SPAG17: variants seen among roughly 807,000 people sequenced by gnomAD.
SPAG17 encodes sperm-associated antigen 17.
In SPAG17, 169 loss-of-function variants were observed where a neutral mutation model predicts 273.6. The observed-to-expected ratio is 0.62, with a 90% CI of 0.55 to 0.70. The LOEUF is 0.70. Among genes scored for constraint, SPAG17 ranks in the 30% least tolerant of loss-of-function variants. SPAG17 has a pLI of 0.00. For missense variants in SPAG17, 2,557 were observed against 2,627.8 expected (o/e 0.97, Z 0.59); for synonymous variants, 825 against 873.2 (o/e 0.94, Z 0.97).
intron 38 of SPAG17, 31 bp downstream of exon 38, chr1:117,990,830 A>G (rs755564355): frequency 1.4e-6 from 2 of 1,456,134 alleles, no homozygotes; most frequent in Admixed American, 3.8e-5. Flanking sequence ...ACTTGTAAAT[A>G]TACTGCAGAA....
intron 7 of SPAG17, among the ~76,000 whole-genome samples, chr1:118,093,712 T>A (rs1358198985): frequency 6.6e-6 from 1 of 152,204 alleles, no homozygotes; most frequent in Admixed American, 6.5e-5. Flanking sequence ...ATTTCTTACC[T>A]GGCTATGCAA....
rs368322210 is a variant in SPAG17 at position 118,073,869 on chromosome 1, C to A, written c.2370G>T (p.Pro790=). The A allele has an allele frequency of 6.3e-6, 10 of 1,583,714 alleles. No homozygotes were observed. The highest frequency in any genetic ancestry group is 8.6e-6 in the Non-Finnish European group (10 of 1,168,914). The change falls in exon 17 of 49, where the codon CCG becomes CCT. Residue 790 remains proline (P), a synonymous_variant. Coordinates refer to ENST00000336338, the MANE Select transcript of SPAG17 (RefSeq NM_206996.4). The part of the protein sequence containing the change: ...MDWSFTEHFK[P]KVLLQVLQEA... ...CCATAAATACCTGAAGCAGTACTTTCGGTTTAAAATGTTCAGTAAAACTCC... is the reference window on the plus strand; with the variant it reads ...CCATAAATACCTGAAGCAGTACTTTAGGTTTAAAATGTTCAGTAAAACTCC...
At chr1:118,148,073 G>A (rs564436281) in intron 3 of SPAG17, among the ~76,000 whole-genome samples, 2 of 152,258 alleles carry the variant, frequency 1.3e-5, no homozygotes, top group South Asian at 4.1e-4. Flanking sequence ...CCAAAATGGA[G>A]GTTTCTAAAA....
chr1:118,154,692 T>C (rs558902874), intron 1 of SPAG17, among the ~76,000 whole-genome samples: 36 of 151,966 alleles, frequency 2.4e-4, no homozygotes, highest in African/African-American at 8.7e-4. Flanking sequence ...TATCCCAACA[T>C]GCAGCTAAAT....
At chr1:118,001,518 G>A (rs1658283056) in intron 32 of SPAG17, among the ~76,000 whole-genome samples, 1 of 152,168 alleles carries the variant, frequency 6.6e-6, no homozygotes, top group Non-Finnish European at 1.5e-5. Context: ...GGTCTATTCA[G>A]AGATTCAACT....
intron 3 of SPAG17, among the ~76,000 whole-genome samples, chr1:118,116,854 C>G (rs1052789699): frequency 3.3e-5 from 5 of 152,208 alleles, no homozygotes; most frequent in Middle Eastern, 3.2e-3. Context: ...CAGTGCTTTG[C>G]TTTTTATGGC....
intron 3 of SPAG17, among the ~76,000 whole-genome samples, chr1:118,148,563 T>C (rs1235369172): frequency 2.6e-5 from 4 of 152,192 alleles, no homozygotes; most frequent in East Asian, 1.9e-4. Flanking sequence ...AGAATGCTGA[T>C]TGATGCATTT....
At chr1:117,971,601 G>A (rs1031477275) in intron 45 of SPAG17, among the ~76,000 whole-genome samples, 5 of 151,972 alleles carry the variant, frequency 3.3e-5, no homozygotes, top group Non-Finnish European at 7.3e-5. Flanking sequence ...ATCAGGATGT[G>A]AGTTGCTTTT....
intron 1 of SPAG17, among the ~76,000 whole-genome samples, chr1:118,162,659 G>T (rs980947570): frequency 2.0e-5 from 3 of 151,996 alleles, no homozygotes; most frequent in Non-Finnish European, 4.4e-5. Context: ...TTACTACGTG[G>T]GTACCTACGT....
chr1:118,079,244 A>C (rs1299769117), intron 15 of SPAG17, among the ~76,000 whole-genome samples: 3 of 152,036 alleles, frequency 2.0e-5, no homozygotes, highest in African/African-American at 7.2e-5. Context: ...GATATAATTA[A>C]TTGGATATAA....
chr1:118,035,185 AC>A (rs1304762005), intron 24 of SPAG17, among the ~76,000 whole-genome samples: 6 of 152,222 alleles, frequency 3.9e-5, no homozygotes, highest in Non-Finnish European at 8.8e-5. Context: ...TTTTAAAAAA[AC>A]ATATAGGATG....
chr1:117,972,462 A>G (rs1654669679), intron 44 of SPAG17, among the ~76,000 whole-genome samples: 2 of 152,216 alleles, frequency 1.3e-5, no homozygotes, highest in Non-Finnish European at 2.9e-5. Flanking sequence ...GGGCCCAAGA[A>G]TTTGCATTTA....
intron 3 of SPAG17, among the ~76,000 whole-genome samples, chr1:118,136,626 G>A (rs1023385658): frequency 4.6e-5 from 7 of 152,208 alleles, no homozygotes; most frequent in Non-Finnish European, 1.0e-4. Flanking sequence ...CACACAGGGC[G>A]GGCCTGCATG....
chr1:118,119,717 C>T (rs958945775), intron 3 of SPAG17, among the ~76,000 whole-genome samples: 2 of 152,178 alleles, frequency 1.3e-5, no homozygotes, highest in Admixed American at 1.3e-4. Flanking sequence ...AGGCTTTCAG[C>T]ACACATTCTT....
chr1:118,099,544 T>A (rs1046606096), intron 6 of SPAG17, 62 bp downstream of exon 6: 1 of 1,397,208 alleles, frequency 7.2e-7, no homozygotes, highest in African/African-American at 1.4e-5. Flanking sequence ...AAATTATATT[T>A]GTACTTTAAG....
intron 5 of SPAG17, among the ~76,000 whole-genome samples, chr1:118,101,504 T>C (rs1467374889): frequency 6.6e-6 from 1 of 152,164 alleles, no homozygotes; most frequent in Non-Finnish European, 1.5e-5. Context: ...GTGATTTATG[T>C]TTCTAATGAG....
At chr1:118,110,572 C>T (rs1656697963) in intron 4 of SPAG17, among the ~76,000 whole-genome samples, 1 of 152,186 alleles carries the variant, frequency 6.6e-6, no homozygotes, top group South Asian at 2.1e-4. Context: ...TGAGCCATTT[C>T]TGCGTGGGGG....
chr1:118,052,869 C>T (rs558824446), intron 20 of SPAG17, among the ~76,000 whole-genome samples: 3 of 151,842 alleles, frequency 2.0e-5, no homozygotes, highest in Non-Finnish European at 2.9e-5. Flanking sequence ...ACATATAGTA[C>T]TGTAATTTTT....
chr1:117,994,272 C>T (rs1227314726), intron 35 of SPAG17, 134 bp downstream of exon 35: 1 of 900,150 alleles, frequency 1.1e-6, no homozygotes, highest in Non-Finnish European at 1.6e-6. Context: ...AAATATAAAA[C>T]TCCTTGAGCA....
Sources: allele counts gnomAD v4.1 joint callset (sites outside exome capture counted in the v4.1 genomes callset), GRCh38; gene constraint gnomAD v4.1.1; transcripts MANE v1.5; gene names NCBI Gene and HGNC (gene_info 2026-07-23, HGNC 2026-07-21).